C10orf67: variants seen among roughly 807,000 people sequenced by gnomAD.
The protein encoded by C10orf67 is chromosome 10 open reading frame 67.
In C10orf67, 60 loss-of-function variants were observed where a neutral mutation model predicts 35.6. That is an observed-to-expected ratio of 1.68 (90% CI 1.37 to 2.09). C10orf67 has a LOEUF of 2.09. Ranked by LOEUF, C10orf67 falls within the 30% of genes most tolerant of loss-of-function variation. The probability of loss-of-function intolerance (pLI) is 0.00; values close to 1 mark genes in which losing one functional copy is unlikely to be tolerated. For synonymous variants in C10orf67, 167 were observed against 115.8 expected, an observed-to-expected ratio of 1.44 and a Z score of -2.84; for missense variants, 474 against 330.2, an observed-to-expected ratio of 1.44 and a Z score of -3.38.
intron 10 of C10orf67, among the ~76,000 whole-genome samples, chr10:23,251,855 A>T (rs906811483): frequency 6.6e-6 from 1 of 152,198 alleles, no homozygotes; most frequent in African/African-American, 2.4e-5. Context: ...ATGCATAACA[A>T]TGTGGATTTT....
chr10:23,321,156 T>G (rs1012590455), intron 3 of C10orf67, among the ~76,000 whole-genome samples: 2 of 152,222 alleles, frequency 1.3e-5, no homozygotes, highest in Admixed American at 1.3e-4. Flanking sequence ...CTTCTAGTCC[T>G]TGTACTTTTT....
chr10:23,274,803 G>C (rs1214890636), intron 8 of C10orf67, among the ~76,000 whole-genome samples: 1 of 151,930 alleles, frequency 6.6e-6, no homozygotes, highest in African/African-American at 2.4e-5. Flanking sequence ...AATAGGCATA[G>C]GAAATTATAA....
chr10:23,342,672 G>A (rs1845948140), intron 1 of C10orf67, among the ~76,000 whole-genome samples: 1 of 152,194 alleles, frequency 6.6e-6, no homozygotes, highest in African/African-American at 2.4e-5. Flanking sequence ...TGTGCCTCTG[G>A]TGTTTATCAC....
At chr10:23,268,340 T>C (rs1315714131) in intron 8 of C10orf67, among the ~76,000 whole-genome samples, 1 of 152,204 alleles carries the variant, frequency 6.6e-6, no homozygotes, top group Non-Finnish European at 1.5e-5. Flanking sequence ...AGGTACTGTA[T>C]CAAAAAATGT....
intron 13 of C10orf67, among the ~76,000 whole-genome samples, chr10:23,227,960 C>A (rs1841788168): frequency 6.6e-6 from 1 of 152,168 alleles, no homozygotes; most frequent in South Asian, 2.1e-4. Flanking sequence ...AATGGAAGAA[C>A]ATTCCATGCT....
chr10:23,282,414 G>A (rs987976476), intron 7 of C10orf67, among the ~76,000 whole-genome samples: 90 of 152,250 alleles, frequency 5.9e-4, no homozygotes, highest in African/African-American at 2.1e-3. Flanking sequence ...AGGGTTTTGC[G>A]CTATGTCTAT....
intron 13 of C10orf67, among the ~76,000 whole-genome samples, chr10:23,238,922 C>G (rs1220971832): frequency 6.6e-6 from 1 of 152,028 alleles, no homozygotes; most frequent in Non-Finnish European, 1.5e-5. Flanking sequence ...TGCAAGTGTA[C>G]TTAAGTTCTT....
rs1841243633 is a variant in C10orf67 at position 23,209,355 on chromosome 10, C to A, written c.1571-5100G>T. 2.0e-5 allele frequency among the ~76,000 whole-genome samples: 3 copies of A among 151,786 alleles called. No homozygotes were observed. In the South Asian group the frequency reaches 6.3e-4, roughly 32 times the overall value. ...GGTGCTCTGAATAGGAGGAGGAGAA[C>A]CAGGACAGGTTGGTGTCTTGGAGGT... On this transcript the variant is annotated intron_variant, in intron 15 of 15. Coordinates refer to ENST00000636213, the MANE Select transcript of C10orf67 (RefSeq NM_001371909.1).
chr10:23,305,245 A>C (rs1255762510), intron 4 of C10orf67, among the ~76,000 whole-genome samples: 1 of 152,256 alleles, frequency 6.6e-6, no homozygotes, highest in Non-Finnish European at 1.5e-5. Flanking sequence ...AAATCAAAAT[A>C]ATTATCTTTA....
At chr10:23,299,248 G>T (rs888599485) in intron 5 of C10orf67, among the ~76,000 whole-genome samples, 6 of 152,154 alleles carry the variant, frequency 3.9e-5, no homozygotes, top group Non-Finnish European at 2.9e-5. Flanking sequence ...CTATTGCATG[G>T]TTTTACTAGG....
At chr10:23,296,619 G>T (rs555156410) in intron 5 of C10orf67, among the ~76,000 whole-genome samples, 1 of 152,242 alleles carries the variant, frequency 6.6e-6, no homozygotes, top group South Asian at 2.1e-4. Flanking sequence ...GTGTACTAGG[G>T]GTCGTGCAGT....
chr10:23,303,567 C>T, intron 4 of C10orf67, 108 bp from the exon 5 acceptor site: 1 of 436,362 alleles, frequency 2.3e-6, no homozygotes, highest in Non-Finnish European at 4.1e-6. Flanking sequence ...CACCAGAAAA[C>T]ATTTCATCTT....
At chr10:23,327,534 T>A (rs966129881) in intron 2 of C10orf67, among the ~76,000 whole-genome samples, 19 of 152,104 alleles carry the variant, frequency 1.2e-4, no homozygotes, top group South Asian at 6.2e-4. Flanking sequence ...ACAGATTTTT[T>A]AAAATTTCCT....
intron 13 of C10orf67, among the ~76,000 whole-genome samples, chr10:23,238,787 A>G (rs1842107628): frequency 6.6e-6 from 1 of 152,226 alleles, no homozygotes; most frequent in African/African-American, 2.4e-5. Context: ...GGGAAAAAAG[A>G]CACTATATAT....
intron 10 of C10orf67, among the ~76,000 whole-genome samples, chr10:23,263,989 C>T (rs138984275): frequency 2.0e-5 from 3 of 152,160 alleles, no homozygotes; most frequent in Non-Finnish European, 4.4e-5. Context: ...GCTGTTCCCA[C>T]CGAATGACAC....
At chr10:23,296,229 A>T (rs1843876381) in intron 5 of C10orf67, among the ~76,000 whole-genome samples, 1 of 152,184 alleles carries the variant, frequency 6.6e-6, no homozygotes, top group Non-Finnish European at 1.5e-5. Context: ...ATAGAGTGGA[A>T]ACAGGGCTCC....
At chr10:23,317,448 A>C (rs1844770280) in intron 4 of C10orf67, 1 of 152,210 alleles carries the variant, frequency 6.6e-6, no homozygotes, top group African/African-American at 2.4e-5. Flanking sequence ...TCACCAACTC[A>C]GAAGGTGAGC....
chr10:23,211,043 T>A (rs1841293115), intron 15 of C10orf67, among the ~76,000 whole-genome samples: 1 of 152,214 alleles, frequency 6.6e-6, no homozygotes. Context: ...TTGCTAGAGC[T>A]GCCATAACAA....
intron 4 of C10orf67, among the ~76,000 whole-genome samples, chr10:23,320,095 C>T (rs1462469686): frequency 6.6e-6 from 1 of 152,164 alleles, no homozygotes; most frequent in Non-Finnish European, 1.5e-5. Flanking sequence ...TTAAGGTTGA[C>T]AGTCTGGCAT....
Sources: gnomAD v4.1 joint callset for allele counts (sites outside exome capture counted in the v4.1 genomes callset) on GRCh38, gnomAD v4.1.1 for gene constraint, MANE v1.5 for transcripts, NCBI Gene and HGNC (gene_info 2026-07-23, HGNC 2026-07-21) for gene names.